DPP6: variants seen among roughly 807,000 people sequenced by gnomAD.
The protein encoded by DPP6 is A-type potassium channel modulatory protein DPP6.
DPP6 carries 69 observed loss-of-function variants against 122.6 expected under a neutral mutation model. The observed-to-expected ratio is 0.56, with a 90% CI of 0.46 to 0.69. The LOEUF is 0.69. Ranked by LOEUF, DPP6 falls within the 30% of genes least tolerant of loss-of-function variation. The pLI is 0.00. For missense variants in DPP6, 928 were observed against 1,116.9 expected (o/e 0.83, Z 2.41); for synonymous variants, 418 against 433.1 (o/e 0.97, Z 0.43).
chr7:154,319,037 G>A (rs1807687457), intron 1 of DPP6, among the ~76,000 whole-genome samples: 1 of 152,184 alleles, frequency 6.6e-6, no homozygotes, highest in African/African-American at 2.4e-5. Context: ...GTGGCCCCCA[G>A]GGCCAGCAGC....
Position 153,895,819 on chromosome 7 carries a change from G to A in DPP6, c.51+8085G>A, listed in dbSNP as rs149082215. 6.0e-3 allele frequency among the ~76,000 whole-genome samples: 918 copies of A among 152,154 alleles called. 16 individuals carry two copies. The highest frequency in any genetic ancestry group is 0.021 in the African/African-American group (867 of 41,512). ...GGCACCATTGTCCAGCATAGCTGAA[G>A]ATCTGTTGGATAAGAGCTCCTGTGG... On this transcript the variant is annotated intron_variant, in intron 1 of 25. Coordinates refer to the DPP6 transcript ENST00000404039.
At chr7:154,568,576 C>A (rs1325555969) in intron 5 of DPP6, among the ~76,000 whole-genome samples, 1 of 152,170 alleles carries the variant, frequency 6.6e-6, no homozygotes, top group Non-Finnish European at 1.5e-5. Flanking sequence ...ATACAATTCT[C>A]CACCACTTTC....
At chr7:154,756,257 G>A (rs147023119) in intron 8 of DPP6, among the ~76,000 whole-genome samples, 29 of 152,232 alleles carry the variant, frequency 1.9e-4, no homozygotes, top group Middle Eastern at 3.4e-3. Context: ...GCTCGGCAGC[G>A]CCCCACACTT....
intron 6 of DPP6, among the ~76,000 whole-genome samples, chr7:154,669,142 T>C (rs775096972): frequency 1.3e-5 from 2 of 152,208 alleles, no homozygotes; most frequent in Non-Finnish European, 2.9e-5. Context: ...TAAGCAATGA[T>C]GGACCTATTT....
intron 1 of DPP6, among the ~76,000 whole-genome samples, chr7:153,941,456 A>G (rs539610688): frequency 1.3e-5 from 2 of 152,294 alleles, no homozygotes; most frequent in East Asian, 1.9e-4. Flanking sequence ...GTGGTTAACA[A>G]TTCATCCCAG....
intron 2 of DPP6, among the ~76,000 whole-genome samples, chr7:154,447,598 GA>G (rs746530555): frequency 7.2e-5 from 11 of 152,172 alleles, no homozygotes; most frequent in Middle Eastern, 3.4e-3. Context: ...TCTGTACCCT[GA>G]TACCAAACTA....
intron 16 of DPP6, among the ~76,000 whole-genome samples, chr7:154,815,073 T>A (rs529205555): frequency 6.0e-4 from 91 of 152,334 alleles, no homozygotes; most frequent in Non-Finnish European, 9.6e-4. Flanking sequence ...AAGGACTGCA[T>A]TGCCTTCTTA....
At chr7:154,340,674 G>A (rs1037813693) in intron 1 of DPP6, among the ~76,000 whole-genome samples, 11 of 152,186 alleles carry the variant, frequency 7.2e-5, no homozygotes, top group African/African-American at 2.7e-4. Flanking sequence ...ACTGGTGATA[G>A]CAGCAATAAC....
intron 7 of DPP6, among the ~76,000 whole-genome samples, chr7:154,720,321 G>A (rs546930146): frequency 2.0e-5 from 3 of 152,326 alleles, no homozygotes; most frequent in South Asian, 4.1e-4. Flanking sequence ...GGCCTTGCCT[G>A]TCCTGGAAAA....
chr7:154,175,868 A>G (rs1440335930), intron 1 of DPP6, among the ~76,000 whole-genome samples: 1 of 151,886 alleles, frequency 6.6e-6, no homozygotes, highest in African/African-American at 2.4e-5. Context: ...TTGTATTTTT[A>G]GTAGAGACGG....
chr7:154,385,824 C>T (rs965379167), intron 1 of DPP6, among the ~76,000 whole-genome samples: 1 of 152,150 alleles, frequency 6.6e-6, no homozygotes, highest in Non-Finnish European at 1.5e-5. Flanking sequence ...ATAAGTGAGT[C>T]CTGAGGGGTC....
intron 1 of DPP6, among the ~76,000 whole-genome samples, chr7:154,077,968 C>T (rs1462423380): frequency 6.6e-6 from 1 of 152,094 alleles, no homozygotes; most frequent in Non-Finnish European, 1.5e-5. Flanking sequence ...TGCTCCCGGC[C>T]AATAGATTAT....
chr7:154,617,589 A>T (rs1163440036), intron 5 of DPP6, among the ~76,000 whole-genome samples: 1 of 152,118 alleles, frequency 6.6e-6, no homozygotes, highest in Admixed American at 6.6e-5. Context: ...ACCTCCCACC[A>T]CCATCCCTGC....
At chr7:154,849,836 C>T (rs560861175) in intron 16 of DPP6, among the ~76,000 whole-genome samples, 51 of 152,276 alleles carry the variant, frequency 3.3e-4, no homozygotes, top group African/African-American at 1.2e-3. Context: ...GAGGAACATT[C>T]CTTCTATACC....
chr7:154,702,938 G>A (rs982716117), intron 7 of DPP6, among the ~76,000 whole-genome samples: 2 of 152,230 alleles, frequency 1.3e-5, no homozygotes, highest in African/African-American at 4.8e-5. Context: ...AGGACAGGCT[G>A]ACTCTCTTCT....
At chr7:154,501,161 G>T (rs1165682894) in intron 3 of DPP6, among the ~76,000 whole-genome samples, 1 of 152,164 alleles carries the variant, frequency 6.6e-6, no homozygotes, top group Non-Finnish European at 1.5e-5. Context: ...AGGCATTCAA[G>T]AGGTGACCTG....
chr7:154,262,264 G>C (rs1464641860), intron 1 of DPP6, among the ~76,000 whole-genome samples: 1 of 152,148 alleles, frequency 6.6e-6, no homozygotes, highest in African/African-American at 2.4e-5. Context: ...ATGTTGAAGA[G>C]CTAATTGGTT....
At chr7:154,489,062 CTCT>C (rs1563750758) in intron 3 of DPP6, among the ~76,000 whole-genome samples, 1 of 152,202 alleles carries the variant, frequency 6.6e-6, no homozygotes, top group Non-Finnish European at 1.5e-5. Context: ...GCACGGCTTG[CTCT>C]TCTTAAAGCC....
At chr7:153,818,473 T>C in the DPP6 span, among the ~76,000 whole-genome samples, 2 of 152,042 alleles carry the variant, frequency 1.3e-5, no homozygotes, top group Non-Finnish European at 2.9e-5. Flanking sequence ...GGATAATAAA[T>C]TGTAGGATGA....
Sources: gnomAD v4.1 joint callset for allele counts (sites outside exome capture counted in the v4.1 genomes callset) on GRCh38, gnomAD v4.1.1 for gene constraint, MANE v1.5 for transcripts, NCBI Gene and HGNC (gene_info 2026-07-23, HGNC 2026-07-21) for gene names.